Variants in UXS1 observed in about 807,000 individuals in gnomAD.
The protein encoded by UXS1 is UDP-glucuronic acid decarboxylase 1.
Under a neutral mutation model 62.6 loss-of-function variants are expected in UXS1, and 33 were observed. That is an observed-to-expected ratio of 0.53 (90% CI 0.40 to 0.70). UXS1 has a LOEUF of 0.70. UXS1 is among the 30% of genes least tolerant of loss of function. UXS1 has a pLI of 0.00. For synonymous variants in UXS1, 213 were observed against 206.8 expected (o/e 1.03, Z -0.26); for missense variants, 434 against 556.3 (o/e 0.78, Z 2.21).
chr2:106,177,949 G>A (rs1221140598), intron 1 of UXS1, among the ~76,000 whole-genome samples: 1 of 152,210 alleles, frequency 6.6e-6, no homozygotes, highest in African/African-American at 2.4e-5. Flanking sequence ...ACCCACCTGT[G>A]TTCTCACTTG....
At chr2:106,152,568 A>G (rs1269378589) in intron 5 of UXS1, among the ~76,000 whole-genome samples, 2 of 151,150 alleles carry the variant, frequency 1.3e-5, no homozygotes, top group Non-Finnish European at 3.0e-5. Context: ...GAAAGGAAGG[A>G]AAGGAAGGAA....
At chr2:106,116,093 G>C (rs1432240869) in intron 9 of UXS1, among the ~76,000 whole-genome samples, 1 of 152,192 alleles carries the variant, frequency 6.6e-6, no homozygotes, top group Non-Finnish European at 1.5e-5. Context: ...CTGAGACGTG[G>C]AGCCAACTAA....
chr2:106,189,382 C>T (rs1684777030), intron 1 of UXS1, among the ~76,000 whole-genome samples: 2 of 152,180 alleles, frequency 1.3e-5, no homozygotes, highest in South Asian at 4.1e-4. Context: ...AAGTTTATTT[C>T]AATCGAACAG....
At chr2:106,119,452 G>A (rs1375577772) in intron 9 of UXS1, among the ~76,000 whole-genome samples, 1 of 152,154 alleles carries the variant, frequency 6.6e-6, no homozygotes, top group Non-Finnish European at 1.5e-5. Flanking sequence ...GGGGCTGCGG[G>A]GAATTAACTG....
intron 6 of UXS1, among the ~76,000 whole-genome samples, chr2:106,130,538 C>T (rs979634376): frequency 1.3e-5 from 2 of 152,232 alleles, no homozygotes; most frequent in African/African-American, 4.8e-5. Context: ...GGAAACACAT[C>T]CACCATCCAC....
intron 9 of UXS1, among the ~76,000 whole-genome samples, chr2:106,114,090 G>GC (rs1439102993): frequency 6.6e-6 from 1 of 152,148 alleles, no homozygotes; most frequent in East Asian, 1.9e-4. Flanking sequence ...AGCCCCAGAG[G>GC]CCCCATCAGC....
chr2:106,121,755 T>C (rs928811456), intron 9 of UXS1, among the ~76,000 whole-genome samples: 2 of 152,246 alleles, frequency 1.3e-5, no homozygotes, highest in Non-Finnish European at 1.5e-5. Context: ...AAAGTTTAAA[T>C]ATAAACAATA....
At chr2:106,150,959 C>T (rs1008510005) in intron 5 of UXS1, among the ~76,000 whole-genome samples, 2 of 152,202 alleles carry the variant, frequency 1.3e-5, no homozygotes, top group African/African-American at 2.4e-5. Context: ...TGGAGCATTA[C>T]GATTTGATCT....
At chr2:106,117,669 G>T (rs1558691971) in intron 9 of UXS1, among the ~76,000 whole-genome samples, 1 of 152,196 alleles carries the variant, frequency 6.6e-6, no homozygotes, top group Non-Finnish European at 1.5e-5. Context: ...GAAATGCCAG[G>T]AAGTGCACCA....
At chr2:106,158,195 A>C in intron 4 of UXS1, 77 bp from the exon 5 acceptor site, 2 of 1,282,642 alleles carry the variant, frequency 1.6e-6, no homozygotes, top group Non-Finnish European at 2.2e-6. Context: ...CCATCAAAGC[A>C]TGTGCCAGGT....
In UXS1 at chr2:106,112,097, G is replaced by A. The variant is rs561785165; in HGVS notation, c.879+549C>T. Among the ~76,000 whole-genome samples the A allele has an allele frequency of 4.5e-4, 69 of 152,330 alleles. 1 individual carries two copies. The highest frequency in any genetic ancestry group is 1.6e-3 in the African/African-American group (66 of 41,592). Reference sequence around the variant, plus strand: ...CCCAGATGGTATCTGAGGGTACCAAGCAGTCAGTGTCGGCACAGACATCTT... The same window carrying A: ...CCCAGATGGTATCTGAGGGTACCAAACAGTCAGTGTCGGCACAGACATCTT... On this transcript the variant is annotated intron_variant, in intron 10 of 14. Transcript: ENST00000283148.
intron 9 of UXS1, among the ~76,000 whole-genome samples, chr2:106,115,655 T>C (rs1387908990): frequency 6.6e-6 from 1 of 152,220 alleles, no homozygotes; most frequent in Non-Finnish European, 1.5e-5. Context: ...CTGGATGGCC[T>C]CGTCTCATCC....
At chr2:106,192,193 C>A (rs549963460) in intron 1 of UXS1, among the ~76,000 whole-genome samples, 1 of 152,348 alleles carries the variant, frequency 6.6e-6, no homozygotes, top group South Asian at 2.1e-4. Flanking sequence ...CATGGTGTCT[C>A]CTAGTGCCAA....
intron 1 of UXS1, among the ~76,000 whole-genome samples, chr2:106,169,506 G>C (rs1573556743): frequency 6.6e-6 from 1 of 152,246 alleles, no homozygotes; most frequent in East Asian, 1.9e-4. Context: ...AGGCCGGCCT[G>C]CGCAAACTGG....
chr2:106,128,743 G>C (rs551814845), intron 7 of UXS1, among the ~76,000 whole-genome samples: 38 of 152,172 alleles, frequency 2.5e-4, no homozygotes, highest in Non-Finnish European at 5.1e-4. Flanking sequence ...ACATCCTATT[G>C]GTTCTGTTCT....
At chr2:106,152,937 C>T (rs1358906309) in intron 5 of UXS1, among the ~76,000 whole-genome samples, 3 of 152,140 alleles carry the variant, frequency 2.0e-5, no homozygotes, top group Non-Finnish European at 4.4e-5. Flanking sequence ...ACCCCAGCAC[C>T]AGGGCAGTGG....
chr2:106,093,684 A>G lies in UXS1; in HGVS notation c.*342T>C. 4.9e-6 allele frequency: 1 copy of G among 204,426 alleles called. No individual in the cohort carries two copies. The highest frequency in any genetic ancestry group is 9.7e-6 in the Non-Finnish European group (1 of 103,114). The allele number at this position is 204,426 out of a possible 1,614,324, so 12.7% of individuals were successfully genotyped here. ...AAAATCGGCATTTTTTGTCCCGCTT[A>G]ATGTTCCTTTTCAGCTTCACAAAGA... On this transcript the variant is annotated 3_prime_UTR_variant, in exon 15 of 15. Transcript: ENST00000283148.
chr2:106,145,166 T>C (rs1374551745), intron 6 of UXS1, 24 bp downstream of exon 6: 5 of 1,606,774 alleles, frequency 3.1e-6, no homozygotes, highest in Admixed American at 3.4e-5. Flanking sequence ...CTCTGAATAA[T>C]AACAATGTGC....
At chr2:106,149,496 C>T (rs1350988866) in intron 5 of UXS1, among the ~76,000 whole-genome samples, 1 of 152,164 alleles carries the variant, frequency 6.6e-6, no homozygotes, top group African/African-American at 2.4e-5. Flanking sequence ...CATAGAAGCA[C>T]GAGTTCAGTC....
Sources: gnomAD v4.1 joint callset for allele counts (sites outside exome capture counted in the v4.1 genomes callset) on GRCh38, gnomAD v4.1.1 for gene constraint, MANE v1.5 for transcripts, NCBI Gene and HGNC (gene_info 2026-07-23, HGNC 2026-07-21) for gene names.